The following MYO1B variants were observed in gnomAD, a reference collection of about 807,000 sequenced individuals.
MYO1B encodes unconventional myosin-Ib.
In MYO1B, 72 loss-of-function variants were observed where a neutral mutation model predicts 159.7. The ratio of observed to expected loss-of-function variants is 0.45; its 90% CI spans 0.37 to 0.55. The LOEUF (loss-of-function observed/expected upper bound fraction) is 0.55, where lower values mean the gene tolerates loss of function less well. MYO1B is among the 20% of genes least tolerant of loss of function. The pLI, the probability that MYO1B is intolerant of heterozygous loss-of-function variation, is 0.00. For synonymous variants in MYO1B, 468 were observed against 473.8 expected (o/e 0.99, Z 0.16); for missense variants, 1,062 against 1,364.8 (o/e 0.78, Z 3.50).
intron 3 of MYO1B, among the ~76,000 whole-genome samples, chr2:191,302,073 A>G (rs183162320): frequency 6.6e-5 from 10 of 152,144 alleles, no homozygotes; most frequent in African/African-American, 2.2e-4. Context: ...TTTCCTTTCT[A>G]CGTCTCATAC....
At chr2:191,352,973 T>C (rs1693018537) in intron 7 of MYO1B, among the ~76,000 whole-genome samples, 1 of 152,216 alleles carries the variant, frequency 6.6e-6, no homozygotes, top group East Asian at 1.9e-4. Context: ...AAGCATAGAT[T>C]GTCATTGGCT....
intron 16 of MYO1B, 131 bp from the exon 17 acceptor site, chr2:191,387,093 C>A: frequency 1.2e-6 from 1 of 846,650 alleles, no homozygotes; most frequent in Non-Finnish European, 1.8e-6. Context: ...GAGAGTGTGA[C>A]TAACATGTCA....
intron 3 of MYO1B, among the ~76,000 whole-genome samples, chr2:191,307,588 CT>C (rs1311713139): frequency 6.6e-6 from 1 of 152,124 alleles, no homozygotes; most frequent in Non-Finnish European, 1.5e-5. Context: ...GTTCGAACAC[CT>C]CCGACAAACT....
At chr2:191,343,862 A>G (rs1559185000) in intron 5 of MYO1B, among the ~76,000 whole-genome samples, 1 of 152,318 alleles carries the variant, frequency 6.6e-6, no homozygotes, top group East Asian at 1.9e-4. Flanking sequence ...CTGTAAATGA[A>G]CATTTAGAAC....
intron 13 of MYO1B, among the ~76,000 whole-genome samples, chr2:191,377,286 G>A (rs1694771058): frequency 6.6e-6 from 1 of 152,166 alleles, no homozygotes; most frequent in African/African-American, 2.4e-5. Context: ...GAAGGTACTT[G>A]TTTGAAGATG....
At chr2:191,406,351 A>G (rs1429162011) in intron 24 of MYO1B, among the ~76,000 whole-genome samples, 1 of 152,182 alleles carries the variant, frequency 6.6e-6, no homozygotes, top group East Asian at 1.9e-4. Context: ...TCCTTCAAGA[A>G]TGTTTCCTTT....
intron 7 of MYO1B, among the ~76,000 whole-genome samples, chr2:191,360,377 A>G (rs1010208657): frequency 6.6e-6 from 1 of 152,222 alleles, no homozygotes; most frequent in Non-Finnish European, 1.5e-5. Context: ...TTAGTATAAA[A>G]ATGATATTTA....
At position 191,402,809 on chromosome 2, in the gene MYO1B, G is replaced by A. The variant is rs549367620; in HGVS notation, c.2556+91G>A. On this transcript the variant is annotated intron_variant, in intron 24 of 30. Transcript: ENST00000392318. Reference sequence around the variant, plus strand: ...GAGAAAATGATTGATTATGCTTGCTGATGGTCTGCACAGTCTTGTAGAATG... The same window carrying A: ...GAGAAAATGATTGATTATGCTTGCTAATGGTCTGCACAGTCTTGTAGAATG... 1.5e-4 allele frequency: 147 copies of A among 984,488 alleles called. No homozygotes were observed. In the Middle Eastern group the frequency reaches 2.1e-3, roughly 14 times the overall value. 61.0% of individuals were successfully genotyped at this position (984,488 alleles called of 1,614,324 possible). A position where few individuals can be genotyped will look rare whatever the true frequency, so the allele number is the denominator to read the frequency against.
At chr2:191,317,497 C>A (rs1303475503) in intron 3 of MYO1B, among the ~76,000 whole-genome samples, 3 of 152,132 alleles carry the variant, frequency 2.0e-5, no homozygotes, top group Non-Finnish European at 4.4e-5. Flanking sequence ...TATTATTATA[C>A]CTTAAGTTGT....
chr2:191,342,790 T>C (rs986313295), intron 5 of MYO1B, among the ~76,000 whole-genome samples: 2 of 152,100 alleles, frequency 1.3e-5, no homozygotes, highest in African/African-American at 4.8e-5. Flanking sequence ...GAGTTTGCAG[T>C]GAGCCAAGGT....
At chr2:191,300,555 G>C (rs1307531306) in intron 3 of MYO1B, among the ~76,000 whole-genome samples, 1 of 150,704 alleles carries the variant, frequency 6.6e-6, no homozygotes, top group Non-Finnish European at 1.5e-5. Flanking sequence ...TATTGGCCAG[G>C]CTGGTCTCGA....
chr2:191,283,581 C>T (rs1462276603), intron 2 of MYO1B, among the ~76,000 whole-genome samples: 1 of 152,188 alleles, frequency 6.6e-6, no homozygotes, highest in Non-Finnish European at 1.5e-5. Context: ...TCACTAGAGT[C>T]CTATGTACTA....
chr2:191,345,259 AGTTAGTTT>A (rs1364187081), intron 5 of MYO1B, among the ~76,000 whole-genome samples: 1 of 152,102 alleles, frequency 6.6e-6, no homozygotes, highest in Non-Finnish European at 1.5e-5. Context: ...ATCCTCATGT[AGTTAGTTT>A]GCACATTAAA....
chr2:191,253,062 A>G (rs960224756), intron 1 of MYO1B, among the ~76,000 whole-genome samples: 4 of 77,450 alleles, frequency 5.2e-5, no homozygotes, highest in Non-Finnish European at 9.5e-5. Context: ...AGTAAGTTGG[A>G]AAAAAAAACA....
At chr2:191,400,628 A>T (rs1256966515) in intron 22 of MYO1B, 121 bp from the exon 23 acceptor site, 5 of 1,336,226 alleles carry the variant, frequency 3.7e-6, no homozygotes, top group Non-Finnish European at 5.3e-6. Flanking sequence ...GTGGTGGCAC[A>T]TGCTTTTGCG....
chr2:191,406,545 T>C (rs1696925708), intron 24 of MYO1B, among the ~76,000 whole-genome samples: 1 of 152,216 alleles, frequency 6.6e-6, no homozygotes, highest in South Asian at 2.1e-4. Flanking sequence ...TATTAATTAA[T>C]TTCTATATTG....
intron 11 of MYO1B, among the ~76,000 whole-genome samples, chr2:191,364,835 C>T (rs558437402): frequency 6.0e-5 from 9 of 150,454 alleles, no homozygotes; most frequent in Admixed American, 5.9e-4. Flanking sequence ...GTAGAGGCTA[C>T]AGGACTTGCT....
chr2:191,372,657 A>C (rs1421433594), intron 13 of MYO1B, among the ~76,000 whole-genome samples: 1 of 152,196 alleles, frequency 6.6e-6, no homozygotes, highest in Non-Finnish European at 1.5e-5. Flanking sequence ...TAATCAGAAC[A>C]GAAGTCAGAT....
chr2:191,414,816 T>C, intron 29 of MYO1B, 147 bp downstream of exon 29: 1 of 706,998 alleles, frequency 1.4e-6, no homozygotes, highest in South Asian at 3.3e-5. Flanking sequence ...AATCTCCGAC[T>C]CAGTTTTTCA....
Sources: allele counts gnomAD v4.1 joint callset (sites outside exome capture counted in the v4.1 genomes callset), GRCh38; gene constraint gnomAD v4.1.1; transcripts MANE v1.5; gene names NCBI Gene and HGNC (gene_info 2026-07-23, HGNC 2026-07-21).